Variants in CAMK1D observed in about 807,000 individuals in gnomAD.
CAMK1D encodes calcium/calmodulin dependent protein kinase ID.
Under a neutral mutation model 47.7 loss-of-function variants are expected in CAMK1D, and 9 were observed. The ratio of observed to expected loss-of-function variants is 0.19; its 90% CI spans 0.11 to 0.33. CAMK1D has a LOEUF of 0.33. Ranked by LOEUF, CAMK1D falls within the 10% of genes least tolerant of loss-of-function variation. The pLI is 1.00. For missense variants in CAMK1D, 291 were observed against 488.7 expected (o/e 0.60, Z 3.81); for synonymous variants, 184 against 184.9 (o/e 0.99, Z 0.04).
intron 1 of CAMK1D, among the ~76,000 whole-genome samples, chr10:12,492,924 C>T (rs539020446): frequency 6.6e-6 from 1 of 152,180 alleles, no homozygotes; most frequent in South Asian, 2.1e-4. Flanking sequence ...ATTTTAAAGT[C>T]CCACTCCCTC....
chr10:12,828,484 T>C (rs1833335721), intron 10 of CAMK1D, among the ~76,000 whole-genome samples: 1 of 151,918 alleles, frequency 6.6e-6, no homozygotes, highest in Non-Finnish European at 1.5e-5. Context: ...CTACTAAAAA[T>C]ACAAAAATTA....
At position 12,373,956 on chromosome 10, in the gene CAMK1D, CAAAA is replaced by C. The variant is rs35008954; in HGVS notation, c.92+24064_92+24067del. On this transcript the variant is annotated intron_variant, in intron 1 of 10. Transcript: ENST00000619168. ...TGGGCAAGACAGCGACACTCTTTATCAAAAAAAAAAAAAAAAAAAAAGTCCAGGT... is the reference window on the plus strand; with the variant it reads ...TGGGCAAGACAGCGACACTCTTTATCAAAAAAAAAAAAAAAAAGTCCAGGT... Among the ~76,000 whole-genome samples, 373 of 86,118 alleles carry C rather than the reference CAAAA, an allele frequency of 4.3e-3. 2 individuals carry two copies. Among genetic ancestry groups the C allele is most frequent in the Non-Finnish European group, 6.7e-3 (308 of 45,656 alleles). 56.5% of individuals were successfully genotyped at this position (86,118 alleles called of 152,430 possible).
At chr10:12,550,345 C>T (rs35825382) in intron 1 of CAMK1D, among the ~76,000 whole-genome samples, 3,765 of 152,264 alleles carry the variant, frequency 0.025, 76 homozygotes, top group African/African-American at 0.05. Flanking sequence ...GATTTTTCTC[C>T]TACTCTAACA....
intron 1 of CAMK1D, among the ~76,000 whole-genome samples, chr10:12,433,786 C>G (rs1832553918): frequency 6.6e-6 from 1 of 152,252 alleles, no homozygotes; most frequent in African/African-American, 2.4e-5. Flanking sequence ...CATCACTCAG[C>G]TCTGCATCTT....
At chr10:12,660,508 T>C (rs1840244680) in intron 2 of CAMK1D, among the ~76,000 whole-genome samples, 2 of 152,228 alleles carry the variant, frequency 1.3e-5, no homozygotes, top group African/African-American at 4.8e-5. Flanking sequence ...AATGTTTTCT[T>C]GGCTTTTTCT....
At chr10:12,393,109 C>G (rs955993808) in intron 1 of CAMK1D, among the ~76,000 whole-genome samples, 2 of 151,438 alleles carry the variant, frequency 1.3e-5, no homozygotes, top group Non-Finnish European at 2.9e-5. Context: ...TCTGCTCACT[C>G]CAAGCTCCGC....
chr10:12,369,917 T>C (rs147904425), intron 1 of CAMK1D, among the ~76,000 whole-genome samples: 3,161 of 151,020 alleles, frequency 0.021, 79 homozygotes, highest in African/African-American at 0.053. Context: ...GATCACGTCA[T>C]TGCACTCCAG....
chr10:12,588,904 G>GTGTGTGTA (rs752916185), intron 2 of CAMK1D, among the ~76,000 whole-genome samples: 1 of 140,500 alleles, frequency 7.1e-6, no homozygotes, highest in African/African-American at 3.2e-5. Context: ...GTGTGTGTGT[G>GTGTGTGTA]TATATATAAC....
intron 1 of CAMK1D, 92 bp from the exon 2 acceptor site, chr10:12,553,133 T>C: frequency 1.9e-6 from 3 of 1,595,568 alleles, no homozygotes; most frequent in Non-Finnish European, 2.6e-6. Flanking sequence ...CCGTCGTTAT[T>C]GTTTACTCAA....
At chr10:12,590,601 T>G (rs527646964) in intron 2 of CAMK1D, among the ~76,000 whole-genome samples, 37 of 152,334 alleles carry the variant, frequency 2.4e-4, no homozygotes, top group African/African-American at 8.7e-4. Context: ...TCCATAATTA[T>G]TGTTGAATGA....
intron 1 of CAMK1D, among the ~76,000 whole-genome samples, chr10:12,364,820 C>A (rs1393202228): frequency 6.6e-6 from 1 of 152,116 alleles, no homozygotes; most frequent in South Asian, 2.1e-4. Context: ...AACCTACTTG[C>A]AAAATTCCTG....
chr10:12,784,041 C>T (rs1041406454), intron 5 of CAMK1D, among the ~76,000 whole-genome samples: 4 of 151,992 alleles, frequency 2.6e-5, no homozygotes, highest in Admixed American at 6.6e-5. Context: ...CTTGATAAGC[C>T]GATGGGATAT....
rs769594899 is a variant in CAMK1D, at chr10:12,816,302, G to A, written c.807G>A (p.Thr269=). Residue 269 remains threonine (T), a synonymous_variant, in exon 8 of 11, where the codon ACG becomes ACA. Coordinates refer to ENST00000619168, the MANE Select transcript of CAMK1D (RefSeq NM_153498.4). ...AGAAGGACCCGAATAAAAGATACAC[G>A]TGTGAGCAGGCAGCTCGGCACCCAT... ...LMEKDPNKRY[T]CEQAARHPWI... The A allele has an allele frequency of 1.6e-5, 26 of 1,613,634 alleles. No homozygotes were observed. The highest frequency in any genetic ancestry group is 3.3e-4 in the Middle Eastern group (2 of 6,074).
chr10:12,687,008 C>CA (rs138337528), intron 3 of CAMK1D, among the ~76,000 whole-genome samples: 2,397 of 152,036 alleles, frequency 0.016, 70 homozygotes, highest in African/African-American at 0.055. Flanking sequence ...ATCAATATGA[C>CA]AAAAAAATTT....
chr10:12,553,692 T>C (rs2132273871), intron 2 of CAMK1D, among the ~76,000 whole-genome samples: 1 of 152,282 alleles, frequency 6.6e-6, no homozygotes, highest in Admixed American at 6.5e-5. Flanking sequence ...GTTACCGGCG[T>C]CTCCCTGGCA....
At chr10:12,827,462 TTG>T (rs1833278252) in intron 10 of CAMK1D, among the ~76,000 whole-genome samples, 3 of 12,122 alleles carry the variant, frequency 2.5e-4, no homozygotes, top group Non-Finnish European at 7.4e-4. Flanking sequence ...TTTTCTTTCT[TTG>T]TCTGTCTGTC....
intron 1 of CAMK1D, among the ~76,000 whole-genome samples, chr10:12,552,982 G>A (rs781434847): frequency 1.3e-5 from 2 of 152,080 alleles, no homozygotes; most frequent in East Asian, 3.9e-4. Flanking sequence ...ACCTCAGGTG[G>A]TCTGCCCGCC....
At chr10:12,439,874 G>A (rs1345763233) in intron 1 of CAMK1D, among the ~76,000 whole-genome samples, 5 of 152,196 alleles carry the variant, frequency 3.3e-5, no homozygotes, top group Admixed American at 1.3e-4. Context: ...CATGGTGGAA[G>A]GCAAAAGGCA....
At chr10:12,691,765 A>G (rs374134232) in intron 3 of CAMK1D, among the ~76,000 whole-genome samples, 1 of 152,080 alleles carries the variant, frequency 6.6e-6, no homozygotes, top group Non-Finnish European at 1.5e-5. Flanking sequence ...ATATTTTAAT[A>G]TGCAGTATAT....
Sources: allele counts gnomAD v4.1 joint callset (sites outside exome capture counted in the v4.1 genomes callset), GRCh38; gene constraint gnomAD v4.1.1; transcripts MANE v1.5; gene names NCBI Gene and HGNC (gene_info 2026-07-23, HGNC 2026-07-21).